FRMD6: variants seen among roughly 807,000 people sequenced by gnomAD.
The protein encoded by FRMD6 is FERM domain containing 6.
A neutral mutation model predicts 73.2 loss-of-function variants in FRMD6; 37 were observed. The ratio of observed to expected loss-of-function variants is 0.51; its 90% confidence interval spans 0.39 to 0.66. FRMD6 has a LOEUF of 0.66. Ranked by LOEUF, FRMD6 falls within the 30% of genes least tolerant of loss-of-function variation. The pLI, the probability that FRMD6 is intolerant of heterozygous loss-of-function variation, is 0.00. For missense variants in FRMD6, 714 were observed against 780.5 expected, an observed-to-expected ratio of 0.91 and a Z score of 1.02; for synonymous variants, 273 against 282.2, an observed-to-expected ratio of 0.97 and a Z score of 0.33.
the FRMD6 span, chr14:51,397,034 G>A: frequency 6.6e-6 from 1 of 152,332 alleles, no homozygotes; most frequent in African/African-American, 2.4e-5. Context: ...TGGGTAGGTT[G>A]GGGTCCTGGA....
chr14:51,467,579 C>CT, the FRMD6 span, among the ~76,000 whole-genome samples: 1 of 150,884 alleles, frequency 6.6e-6, no homozygotes, highest in Non-Finnish European at 1.5e-5. Flanking sequence ...GACGGGGCGG[C>CT]TGCCGGGCGG....
At chr14:51,546,082 A>G (rs1434538240) in intron 1 of FRMD6, among the ~76,000 whole-genome samples, 1 of 152,236 alleles carries the variant, frequency 6.6e-6, no homozygotes, top group Non-Finnish European at 1.5e-5. Flanking sequence ...TAAAATAATA[A>G]TTTTGAACAA....
At chr14:51,579,986 C>T (rs1284692818) in intron 2 of FRMD6, among the ~76,000 whole-genome samples, 2 of 152,178 alleles carry the variant, frequency 1.3e-5, no homozygotes, top group African/African-American at 2.4e-5. Flanking sequence ...CTCACATATC[C>T]CCCATTTCCC....
At chr14:51,656,149 A>G (rs1348070114) in intron 1 of FRMD6, among the ~76,000 whole-genome samples, 3 of 152,192 alleles carry the variant, frequency 2.0e-5, no homozygotes, top group African/African-American at 7.2e-5. Flanking sequence ...ATTACTTCTG[A>G]TGCAAGTTTG....
Position 51,702,584 on chromosome 14 carries a change from A to T in FRMD6, c.367A>T (p.Ile123Phe). 6.2e-7 allele frequency: 1 copy of T among 1,611,348 alleles called. No homozygotes were observed. The highest frequency in any genetic ancestry group is 8.5e-7 in the Non-Finnish European group (1 of 1,178,058). ...VQYYVENGRLISDRAARYYYY... is the reference protein window; with the variant it reads ...VQYYVENGRLFSDRAARYYYY... Reference sequence around the variant, plus strand: ...GTACTATGTGGAAAATGGCAGATTGATCAGGTAAGAGGACAGGGGGTGATT... The same window carrying T: ...GTACTATGTGGAAAATGGCAGATTGTTCAGGTAAGAGGACAGGGGGTGATT... The change falls in exon 5 of 14, where the codon ATC (isoleucine) becomes TTC (phenylalanine). Residue 123 changes from isoleucine to phenylalanine, a missense_variant. Coordinates refer to ENST00000344768, the MANE Select transcript of FRMD6 (RefSeq NM_001267046.2).
intron 6 of FRMD6, among the ~76,000 whole-genome samples, chr14:51,706,700 A>G (rs1896643704): frequency 6.6e-6 from 1 of 151,948 alleles, no homozygotes; most frequent in Non-Finnish European, 1.5e-5. Context: ...CAGACCATCT[A>G]GGTGCCCAGT....
At chr14:51,715,067 A>G in intron 9 of FRMD6, 1 of 277,380 alleles carries the variant, frequency 3.6e-6, no homozygotes. Flanking sequence ...AGAGAAACCA[A>G]AGATATTCCT....
intron 2 of FRMD6, among the ~76,000 whole-genome samples, chr14:51,608,968 G>T (rs1221664433): frequency 2.0e-5 from 3 of 152,112 alleles, no homozygotes; most frequent in East Asian, 1.9e-4. Flanking sequence ...CCAGCCTTGG[G>T]GGGTGGCTTC....
At chr14:51,417,717 G>T in the FRMD6 span, among the ~76,000 whole-genome samples, 1 of 152,184 alleles carries the variant, frequency 6.6e-6, no homozygotes, top group Non-Finnish European at 1.5e-5. Context: ...GGTAGGGGAA[G>T]TTCTCCTGGA....
chr14:51,675,301 GT>G (rs985568274), intron 1 of FRMD6, among the ~76,000 whole-genome samples: 20 of 152,162 alleles, frequency 1.3e-4, no homozygotes, highest in African/African-American at 4.8e-4. Flanking sequence ...TTGGATCCAT[GT>G]TTCTATGGAA....
chr14:51,646,250 A>T (rs1254377950), intron 2 of FRMD6, among the ~76,000 whole-genome samples: 1 of 146,188 alleles, frequency 6.8e-6, no homozygotes, highest in South Asian at 2.3e-4. Context: ...CCCAGGAGGC[A>T]GAGGTTGCAA....
rs566768936 is a variant in FRMD6, at chr14:51,673,543, C to T, written c.-146-16148C>T. Among the ~76,000 whole-genome samples, 221 of 152,260 alleles carry T rather than the reference C, an allele frequency of 1.5e-3. 3 individuals carry two copies. The highest frequency in any genetic ancestry group is 3.4e-3 in the Middle Eastern group (1 of 294). On this transcript the variant is annotated intron_variant, in intron 1 of 13. Coordinates refer to ENST00000344768, the MANE Select transcript of FRMD6 (RefSeq NM_001267046.2). Reference sequence around the variant, plus strand: ...TCATTAGGCTCACCTAGTTTGTTTTCCTTCAGTGTCTAAAAACCATTTGAT... The same window carrying T: ...TCATTAGGCTCACCTAGTTTGTTTTTCTTCAGTGTCTAAAAACCATTTGAT...
At chr14:51,498,795 G>C (rs1883447020) in intron 1 of FRMD6, among the ~76,000 whole-genome samples, 1 of 152,138 alleles carries the variant, frequency 6.6e-6, no homozygotes, top group South Asian at 2.1e-4. Flanking sequence ...CTACACAAGG[G>C]CATGGATCCT....
intron 13 of FRMD6, among the ~76,000 whole-genome samples, chr14:51,727,239 T>G (rs950610532): frequency 6.6e-6 from 1 of 152,066 alleles, no homozygotes; most frequent in African/African-American, 2.4e-5. Context: ...AATAATTGGT[T>G]TATTTTCCTA....
chr14:51,548,220 A>C (rs1596573894), intron 1 of FRMD6, among the ~76,000 whole-genome samples: 1 of 152,358 alleles, frequency 6.6e-6, no homozygotes, highest in East Asian at 1.9e-4. Context: ...AAATATAGAA[A>C]AATTTAAAAG....
intron 1 of FRMD6, among the ~76,000 whole-genome samples, chr14:51,502,348 T>G (rs2140217173): frequency 1.3e-5 from 2 of 152,344 alleles, no homozygotes; most frequent in Middle Eastern, 6.8e-3. Context: ...CATTTAAGTC[T>G]TTATTCCATC....
intron 1 of FRMD6, among the ~76,000 whole-genome samples, chr14:51,529,413 C>T (rs973214245): frequency 2.0e-5 from 3 of 152,216 alleles, no homozygotes; most frequent in Admixed American, 6.5e-5. Context: ...GTTTAATAAG[C>T]ACTACAGAAG....
the FRMD6 span, among the ~76,000 whole-genome samples, chr14:51,403,754 A>T: frequency 6.6e-6 from 1 of 152,224 alleles, no homozygotes; most frequent in African/African-American, 2.4e-5. Context: ...GTGTTTTTAC[A>T]AGTACCTGTA....
chr14:51,453,735 A>G, the FRMD6 span, among the ~76,000 whole-genome samples: 605 of 152,320 alleles, frequency 4.0e-3, 4 homozygotes, highest in African/African-American at 0.014. Context: ...TAAACAAGGT[A>G]CAACCTGCTC....
Sources: gnomAD v4.1 joint callset for allele counts (sites outside exome capture counted in the v4.1 genomes callset) on GRCh38, gnomAD v4.1.1 for gene constraint, MANE v1.5 for transcripts, NCBI Gene and HGNC (gene_info 2026-07-23, HGNC 2026-07-21) for gene names.